Variants in DNAJB6 observed in about 807,000 individuals in gnomAD.
DNAJB6 encodes the protein dnaJ homolog subfamily B member 6.
DNAJB6 carries 16 observed loss-of-function variants against 42.7 expected under a neutral mutation model. That is an observed-to-expected ratio of 0.37 (90% CI 0.25 to 0.57). The LOEUF (loss-of-function observed/expected upper bound fraction) is 0.57. DNAJB6 is among the 20% of genes least tolerant of loss of function. The pLI is 0.74. For synonymous variants in DNAJB6, 170 were observed against 163.5 expected (o/e 1.04, Z -0.30); for missense variants, 347 against 416.8 (o/e 0.83, Z 1.46).
chr7:157,375,217 A>G (rs1474009533), intron 5 of DNAJB6, among the ~76,000 whole-genome samples: 1 of 152,124 alleles, frequency 6.6e-6, no homozygotes, highest in African/African-American at 2.4e-5. Flanking sequence ...GGTGGAGGAA[A>G]GATGAATCGG....
chr7:157,360,715 T>C (rs1799541649), intron 2 of DNAJB6, among the ~76,000 whole-genome samples: 1 of 152,192 alleles, frequency 6.6e-6, no homozygotes, highest in Non-Finnish European at 1.5e-5. Flanking sequence ...TAGTCTATCT[T>C]GTGTACCCTT....
intron 1 of DNAJB6, among the ~76,000 whole-genome samples, chr7:157,355,140 C>T (rs1018751194): frequency 6.6e-5 from 10 of 152,050 alleles, no homozygotes; most frequent in African/African-American, 9.7e-5. Context: ...TTAGCGTTCC[C>T]GTAGTTTCTT....
chr7:157,346,316 T>TG (rs767232510), intron 1 of DNAJB6, among the ~76,000 whole-genome samples: 4 of 117,732 alleles, frequency 3.4e-5, no homozygotes, highest in African/African-American at 8.9e-5. Flanking sequence ...CAAGGAGTAG[T>TG]AAAAAAAAAA....
chr7:157,378,586 G>A (rs1025364926), intron 5 of DNAJB6: 3 of 152,224 alleles, frequency 2.0e-5, no homozygotes, highest in African/African-American at 4.8e-5. Context: ...CTCCAGCTCT[G>A]CTAGCCACGA....
chr7:157,353,154 C>T (rs1395984386), intron 1 of DNAJB6, among the ~76,000 whole-genome samples: 1 of 151,620 alleles, frequency 6.6e-6, no homozygotes, highest in Non-Finnish European at 1.5e-5. Flanking sequence ...TCTTGAACTG[C>T]TGGGCTCATG....
At chr7:157,341,858 A>C (rs1053748105) in intron 1 of DNAJB6, among the ~76,000 whole-genome samples, 12 of 152,214 alleles carry the variant, frequency 7.9e-5, no homozygotes, top group Non-Finnish European at 1.5e-4. Flanking sequence ...CTGGAGACTG[A>C]GTACTTAACC....
At chr7:157,411,630 T>A (rs1262246360) in intron 9 of DNAJB6, 2 of 152,296 alleles carry the variant, frequency 1.3e-5, no homozygotes, top group African/African-American at 4.8e-5. Flanking sequence ...ACCGGAAGCC[T>A]GGCCTGCTAG....
intron 1 of DNAJB6, among the ~76,000 whole-genome samples, chr7:157,341,509 T>G (rs1017485066): frequency 8.5e-5 from 13 of 152,234 alleles, no homozygotes; most frequent in African/African-American, 2.9e-4. Context: ...TTTTTCCCCC[T>G]TTGATATTTT....
At chr7:157,405,374 G>A (rs376073662) in intron 8 of DNAJB6, among the ~76,000 whole-genome samples, 29 of 152,300 alleles carry the variant, frequency 1.9e-4, no homozygotes, top group Middle Eastern at 3.4e-3. Flanking sequence ...GGCTTGTTCC[G>A]TCCTGGGATG....
intron 6 of DNAJB6, among the ~76,000 whole-genome samples, chr7:157,382,935 G>T (rs939090903): frequency 6.6e-6 from 1 of 152,124 alleles, no homozygotes; most frequent in Admixed American, 6.5e-5. Context: ...TGTGTGTTTA[G>T]CCTGAAGAAT....
Position 157,386,204 on chromosome 7 carries a change from G to A in DNAJB6, c.691+593G>A, listed in dbSNP as rs375100576. On this transcript the variant is annotated intron_variant, in intron 8 of 9. Transcript: ENST00000262177. ...TTTGACAATTGTTTAAATATGTAATGTTAAGCTTAGGTTTAAAAAAGTAAA... is the reference window on the plus strand; with the variant it reads ...TTTGACAATTGTTTAAATATGTAATATTAAGCTTAGGTTTAAAAAAGTAAA... The A allele has an allele frequency of 2.8e-4, 270 of 970,116 alleles. 3 individuals are homozygous for A. In the East Asian group the frequency reaches 0.018, roughly 65 times the overall value. The allele number at this position is 970,116 out of a possible 1,614,324, so 60.1% of individuals were successfully genotyped here.
intron 8 of DNAJB6, among the ~76,000 whole-genome samples, chr7:157,387,279 T>C (rs1004039330): frequency 6.6e-6 from 1 of 152,226 alleles, no homozygotes; most frequent in Non-Finnish European, 1.5e-5. Context: ...ACGAGTGATG[T>C]GCTTGTCTGT....
intron 2 of DNAJB6, among the ~76,000 whole-genome samples, chr7:157,359,474 G>C (rs1799470621): frequency 6.6e-6 from 1 of 152,152 alleles, no homozygotes; most frequent in Non-Finnish European, 1.5e-5. Flanking sequence ...TGGCCTCCCA[G>C]ATTGCTGCGG....
At chr7:157,367,204 C>T (rs573692452) in intron 4 of DNAJB6, among the ~76,000 whole-genome samples, 169 bp from the exon 5 acceptor site, 1 of 152,344 alleles carries the variant, frequency 6.6e-6, no homozygotes, top group South Asian at 2.1e-4. Context: ...TGGGCACACT[C>T]ACTCTCTGTC....
At chr7:157,369,328 G>A (rs77671426) in intron 5 of DNAJB6, 5 of 456,590 alleles carry the variant, frequency 1.1e-5, no homozygotes, top group African/African-American at 1.0e-4. Context: ...TCTTGCTGTA[G>A]CCTTCAGCAA....
At chr7:157,390,001 C>T (rs1326095614) in intron 8 of DNAJB6, among the ~76,000 whole-genome samples, 5 of 152,230 alleles carry the variant, frequency 3.3e-5, no homozygotes, top group Non-Finnish European at 7.3e-5. Flanking sequence ...ATTCCTGCCT[C>T]GGAGTGCAAC....
chr7:157,356,314 A>T (rs916458470), intron 1 of DNAJB6, among the ~76,000 whole-genome samples: 1 of 152,220 alleles, frequency 6.6e-6, no homozygotes, highest in African/African-American at 2.4e-5. Context: ...CAAGGGAATG[A>T]GGGAGACGTG....
intron 1 of DNAJB6, among the ~76,000 whole-genome samples, chr7:157,341,218 G>C (rs887289636): frequency 2.0e-5 from 3 of 151,996 alleles, no homozygotes; most frequent in Admixed American, 2.0e-4. Flanking sequence ...TCTGCCGCAC[G>C]GGTTCAAGCG....
rs1245994362 is a variant in DNAJB6 at position 157,416,080 on chromosome 7, G to T, written c.963G>T (p.Ser321=). ...KQREESKKKK[S]TKGNH ...GAGAGGAGTCGAAGAAGAAGAAGTC[G>T]ACCAAAGGCAATCACTAGACCGGAC... Residue 321 remains serine (S), a synonymous_variant, in exon 10 of 10, where the codon TCG becomes TCT. Coordinates refer to ENST00000262177, the MANE Select transcript of DNAJB6 (RefSeq NM_058246.4). The T allele has an allele frequency of 1.9e-6, 3 of 1,613,876 alleles. No individual in the cohort carries two copies. In the East Asian group the frequency reaches 6.7e-5, roughly 36 times the overall value.
Sources: gnomAD v4.1 joint callset for allele counts (sites outside exome capture counted in the v4.1 genomes callset) on GRCh38, gnomAD v4.1.1 for gene constraint, MANE v1.5 for transcripts, NCBI Gene and HGNC (gene_info 2026-07-23, HGNC 2026-07-21) for gene names.